ITGBL1: variants seen among roughly 807,000 people sequenced by gnomAD.
The protein encoded by ITGBL1 is integrin subunit beta like 1.
A neutral mutation model predicts 68.5 loss-of-function variants in ITGBL1; 51 were observed. That is an observed-to-expected ratio of 0.74 (90% CI 0.59 to 0.94). The LOEUF (loss-of-function observed/expected upper bound fraction) is 0.94, where lower values mean the gene tolerates loss of function less well. Among genes scored for constraint, ITGBL1 ranks in the 40% least tolerant of loss-of-function variants. The pLI is 0.00. For missense variants in ITGBL1, 649 were observed against 647.4 expected, an observed-to-expected ratio of 1.00 and a Z score of -0.03; for synonymous variants, 209 against 227.3, an observed-to-expected ratio of 0.92 and a Z score of 0.72.
At chr13:101,572,919 A>G (rs770474580) in intron 3 of ITGBL1, among the ~76,000 whole-genome samples, 1 of 152,120 alleles carries the variant, frequency 6.6e-6, no homozygotes, top group African/African-American at 2.4e-5. Flanking sequence ...TACATGTATA[A>G]TATTTGTATA....
intron 7 of ITGBL1, among the ~76,000 whole-genome samples, chr13:101,653,574 A>T (rs542002072): frequency 5.9e-5 from 9 of 152,328 alleles, no homozygotes; most frequent in Admixed American, 5.9e-4. Context: ...CATACATTTT[A>T]ATTAGTAAGA....
At chr13:101,468,736 G>T (rs922428493) in intron 2 of ITGBL1, among the ~76,000 whole-genome samples, 1 of 152,184 alleles carries the variant, frequency 6.6e-6, no homozygotes, top group Non-Finnish European at 1.5e-5. Flanking sequence ...TGGTAAGAAA[G>T]TACTGGGCAA....
chr13:101,682,428 A>T (rs1269643276), intron 7 of ITGBL1, among the ~76,000 whole-genome samples: 1 of 152,140 alleles, frequency 6.6e-6, no homozygotes, highest in African/African-American at 2.4e-5. Flanking sequence ...AAAACTGTGA[A>T]TGAGAGTTTC....
intron 7 of ITGBL1, among the ~76,000 whole-genome samples, chr13:101,683,129 A>T (rs2033680520): frequency 6.6e-6 from 1 of 152,108 alleles, no homozygotes. Flanking sequence ...ACATGCCCAG[A>T]TTCAGAAATA....
At chr13:101,604,926 A>G (rs1164324287) in intron 7 of ITGBL1, among the ~76,000 whole-genome samples, 1 of 117,790 alleles carries the variant, frequency 8.5e-6, no homozygotes, top group Non-Finnish European at 1.8e-5. Flanking sequence ...ATATGTGTGT[A>G]TATATACGCA....
chr13:101,505,606 C>T (rs1275888671), intron 2 of ITGBL1, among the ~76,000 whole-genome samples: 1 of 152,120 alleles, frequency 6.6e-6, no homozygotes, highest in African/African-American at 2.4e-5. Flanking sequence ...TCAGTGTATG[C>T]CATGCACTGT....
At chr13:101,709,429 T>G (rs2034360729) in intron 9 of ITGBL1, among the ~76,000 whole-genome samples, 1 of 147,918 alleles carries the variant, frequency 6.8e-6, no homozygotes, top group Non-Finnish European at 1.5e-5. Context: ...GGGATGGAAT[T>G]AAACTGCAAG....
intron 7 of ITGBL1, among the ~76,000 whole-genome samples, chr13:101,633,748 A>G (rs1419930880): frequency 1.3e-5 from 2 of 152,164 alleles, no homozygotes; most frequent in Admixed American, 1.3e-4. Context: ...TCTCAGTGAG[A>G]CTTTGGGGTT....
intron 7 of ITGBL1, among the ~76,000 whole-genome samples, chr13:101,631,572 A>G (rs529722364): frequency 3.9e-5 from 6 of 152,284 alleles, no homozygotes; most frequent in African/African-American, 1.4e-4. Context: ...AAATTTTGCA[A>G]GGGATTACTA....
intron 2 of ITGBL1, among the ~76,000 whole-genome samples, chr13:101,566,192 G>C (rs902918569): frequency 1.3e-5 from 2 of 152,062 alleles, no homozygotes; most frequent in Non-Finnish European, 2.9e-5. Flanking sequence ...TTATGAAAGT[G>C]GCAATTCCAT....
At chr13:101,544,535 C>CA in intron 2 of ITGBL1, among the ~76,000 whole-genome samples, 2 of 152,190 alleles carry the variant, frequency 1.3e-5, no homozygotes, top group Non-Finnish European at 2.9e-5. Context: ...TGTCTGTTCT[C>CA]AGTTGTCCAG....
At chr13:101,483,396 A>G (rs1241862760) in intron 2 of ITGBL1, among the ~76,000 whole-genome samples, 1 of 152,254 alleles carries the variant, frequency 6.6e-6, no homozygotes, top group African/African-American at 2.4e-5. Flanking sequence ...ATCATTGACA[A>G]TGTGTCACAA....
chr13:101,584,764 A>G (rs956936971), intron 6 of ITGBL1, among the ~76,000 whole-genome samples: 3 of 152,038 alleles, frequency 2.0e-5, no homozygotes, highest in Non-Finnish European at 4.4e-5. Flanking sequence ...AGAGCTCATG[A>G]CTAGTGAGTG....
intron 7 of ITGBL1, among the ~76,000 whole-genome samples, chr13:101,618,975 C>T (rs935901288): frequency 1.3e-5 from 2 of 151,858 alleles, no homozygotes; most frequent in Admixed American, 6.6e-5. Flanking sequence ...CCACTGGGGG[C>T]AGGTGGGAAT....
chr13:101,515,852 G>A (rs2049186433), intron 2 of ITGBL1, among the ~76,000 whole-genome samples: 1 of 152,034 alleles, frequency 6.6e-6, no homozygotes, highest in Non-Finnish European at 1.5e-5. Context: ...ACCGAAAATG[G>A]CATTTAACCA....
At chr13:101,703,058 C>G (rs1327390324) in intron 8 of ITGBL1, among the ~76,000 whole-genome samples, 2 of 152,008 alleles carry the variant, frequency 1.3e-5, no homozygotes, top group Non-Finnish European at 2.9e-5. Context: ...GTTAGGCACT[C>G]TGAAGACTAC....
At chr13:101,651,039 G>C (rs1248957329) in intron 7 of ITGBL1, among the ~76,000 whole-genome samples, 1 of 151,924 alleles carries the variant, frequency 6.6e-6, no homozygotes, top group East Asian at 1.9e-4. Context: ...ATTTTCTTTA[G>C]TCTATCATTG....
At chr13:101,701,262 C>A (rs1181662926) in intron 8 of ITGBL1, among the ~76,000 whole-genome samples, 3 of 152,278 alleles carry the variant, frequency 2.0e-5, no homozygotes, top group Non-Finnish European at 2.9e-5. Context: ...TCGCCAGGCA[C>A]AGTGGCTCAC....
chr13:101,512,694 A>T (rs925115858), intron 2 of ITGBL1, among the ~76,000 whole-genome samples: 3 of 152,062 alleles, frequency 2.0e-5, no homozygotes, highest in Admixed American at 2.0e-4. Flanking sequence ...TTATTCTTTG[A>T]CTGGAAGATG....
Sources: allele counts gnomAD v4.1 joint callset (sites outside exome capture counted in the v4.1 genomes callset), GRCh38; gene constraint gnomAD v4.1.1; transcripts MANE v1.5; gene names NCBI Gene and HGNC (gene_info 2026-07-23, HGNC 2026-07-21).